PAQR3: variants seen among roughly 807,000 people sequenced by gnomAD.
PAQR3 encodes the protein progestin and adipoQ receptor family member 3.
A neutral mutation model predicts 41.7 loss-of-function variants in PAQR3; 39 were observed. That is an observed-to-expected ratio of 0.93 (90% CI 0.72 to 1.22). The LOEUF is 1.22. PAQR3 is among the 50% of genes most tolerant of loss of function. The probability of loss-of-function intolerance (pLI) is 0.00; values close to 1 mark genes in which losing one functional copy is unlikely to be tolerated. For synonymous variants in PAQR3, 140 were observed against 140.6 expected (o/e 1.00, Z 0.03); for missense variants, 366 against 385.6 (o/e 0.95, Z 0.42).
In PAQR3 at chr4:78,912,007, G is replaced by A; in HGVS notation, c.*8532C>T. ...ACCAGTCGAATTAGACCCATTTGGT[G>A]CTGCTCCATTTCCTTCTAAACAGTA... is the stretch of plus-strand genomic sequence containing the variant. On this transcript the variant is annotated 3_prime_UTR_variant, in exon 6 of 6. Coordinates refer to ENST00000512733, the MANE Select transcript of PAQR3 (RefSeq NM_001040202.2). The A allele has an allele frequency of 6.2e-7, 1 of 1,612,546 alleles. No homozygotes were observed. Among genetic ancestry groups the A allele is most frequent in the Non-Finnish European group, 8.5e-7 (1 of 1,179,052 alleles).
intron 3 of PAQR3, among the ~76,000 whole-genome samples, chr4:78,928,918 A>G (rs1736526659): frequency 6.6e-6 from 1 of 152,248 alleles, no homozygotes; most frequent in African/African-American, 2.4e-5. Context: ...ACAGATCATC[A>G]AGCATTACAT....
In PAQR3 at chr4:78,923,930, T is replaced by TA; in HGVS notation, c.719dup (p.Ile241AsnfsTer61). On this transcript the variant is annotated frameshift_variant, in exon 5 of 6. Coordinates refer to ENST00000512733, the MANE Select transcript of PAQR3 (RefSeq NM_001040202.2). LOFTEE classifies it high-confidence loss of function. ...GAAGAGCAATCATATACATCACAAT[T>TA]ACACGGGGTGCAAAGTCCTGAAAAG... 6.2e-7 allele frequency: 1 copy of TA among 1,613,118 alleles called. No homozygotes were observed.
intron 1 of PAQR3, among the ~76,000 whole-genome samples, chr4:78,937,723 G>A (rs1047581499): frequency 2.6e-5 from 4 of 152,206 alleles, no homozygotes; most frequent in African/African-American, 9.6e-5. Flanking sequence ...GAGCTGTTAA[G>A]TGGCAGATTT....
intron 11 of PAQR3, among the ~76,000 whole-genome samples, chr4:78,890,508 G>A (rs1457424334): frequency 6.6e-6 from 1 of 151,948 alleles, no homozygotes; most frequent in African/African-American, 2.4e-5. Flanking sequence ...TTTTTAATAT[G>A]TAAATATTTG....
intron 11 of PAQR3, among the ~76,000 whole-genome samples, chr4:78,891,441 A>G (rs1009273847): frequency 6.6e-6 from 1 of 152,076 alleles, no homozygotes; most frequent in Non-Finnish European, 1.5e-5. Flanking sequence ...TTCTTGCTGT[A>G]TATGCTTTGG....
rs1218915716 is a variant in PAQR3 at position 78,922,116 on chromosome 4, A to G, written c.794-1435T>C. 1.9e-5 allele frequency: 20 copies of G among 1,035,398 alleles called. No individual in the cohort carries two copies. In the South Asian group the frequency reaches 6.5e-4, roughly 34 times the overall value. The allele number at this position is 1,035,398 out of a possible 1,614,324, so 64.1% of individuals were successfully genotyped here. On this transcript the variant is annotated intron_variant, in intron 5 of 5. Transcript: ENST00000512733. The stretch of plus-strand genomic sequence containing the variant: ...CAGAATTTTAAAAAGAATTATTAAT[A>G]AAGTGATACAAAAATATATTTTACC...
chr4:78,935,033 A>C, intron 2 of PAQR3, 88 bp downstream of exon 2: 1 of 1,243,446 alleles, frequency 8.0e-7, no homozygotes. Flanking sequence ...CTTTAAAGCA[A>C]GTGGTAGGTC....
intron 10 of PAQR3, among the ~76,000 whole-genome samples, chr4:78,906,719 C>T (rs1734305121): frequency 6.6e-6 from 1 of 152,018 alleles, no homozygotes; most frequent in South Asian, 2.1e-4. Flanking sequence ...ACCACTGGGC[C>T]CAGAAAAGTT....
In PAQR3 at chr4:78,920,691, A is replaced by C; in HGVS notation, c.794-10T>G. On this transcript the variant is annotated splice_polypyrimidine_tract_variant and intron_variant, in intron 5 of 5. Coordinates refer to ENST00000512733, the MANE Select transcript of PAQR3 (RefSeq NM_001040202.2). Reference sequence around the variant, plus strand: ...AGGTAGTTTAGTTGTCCTGGAAAGAAGGTAGAAAGAAAATGATAATGATTT... The same window carrying C: ...AGGTAGTTTAGTTGTCCTGGAAAGACGGTAGAAAGAAAATGATAATGATTT... The C allele has an allele frequency of 6.3e-7, 1 of 1,594,212 alleles. No individual in the cohort carries two copies. The highest frequency in any genetic ancestry group is 1.4e-5 in the African/African-American group (1 of 74,048).
downstream of PAQR3, among the ~76,000 whole-genome samples, chr4:78,908,079 A>G (rs1184367276): frequency 6.6e-6 from 1 of 152,030 alleles, no homozygotes; most frequent in Non-Finnish European, 1.5e-5. Context: ...AAGAAGTCAA[A>G]CTTGAGAATC....
chr4:78,896,577 A>C (rs1733714330), intron 11 of PAQR3, among the ~76,000 whole-genome samples: 1 of 152,170 alleles, frequency 6.6e-6, no homozygotes, highest in Non-Finnish European at 1.5e-5. Flanking sequence ...TTTTTCAGGA[A>C]ACATTAGATT....
At chr4:78,891,289 C>T (rs1387347217) in intron 11 of PAQR3, among the ~76,000 whole-genome samples, 1 of 152,068 alleles carries the variant, frequency 6.6e-6, no homozygotes, top group East Asian at 1.9e-4. Flanking sequence ...TATTCCTGCT[C>T]CTCTTTCTCT....
rs1277460247 is a variant in PAQR3, at chr4:78,918,006, G to C, written c.*2533C>G. ...CATGCAGCTTACTGAATTGCAGTTA[G>C]TGTAATAACAAAAAAAGACAAGCAC... On this transcript the variant is annotated 3_prime_UTR_variant, in exon 6 of 6. Coordinates refer to ENST00000512733, the MANE Select transcript of PAQR3 (RefSeq NM_001040202.2). The C allele has an allele frequency of 1.0e-6, 1 of 982,226 alleles. No individual in the cohort carries two copies. Among genetic ancestry groups the C allele is most frequent in the Non-Finnish European group, 1.2e-6 (1 of 826,874 alleles). The allele number at this position is 982,226 out of a possible 1,614,324, so 60.8% of individuals were successfully genotyped here.
At chr4:78,910,755 G>C, downstream of PAQR3, 1 of 1,613,890 alleles carries the variant, frequency 6.2e-7, no homozygotes, top group Non-Finnish European at 8.5e-7. Context: ...TGCAAAAGGG[G>C]AATGATGAAT....
In PAQR3 at chr4:78,915,804, ATT is replaced by A. The variant is rs937628254; in HGVS notation, c.*4733_*4734del. ...ATGCAAAGGGTCATGATTTGGGGTT[ATT>A]TTTGTTTTATTTTAAAATTTATACT... On this transcript the variant is annotated 3_prime_UTR_variant, in exon 6 of 6. Transcript: ENST00000512733. 7.2e-5 allele frequency: 11 copies of A among 151,848 alleles called. No homozygotes were observed. Among genetic ancestry groups the A allele is most frequent in the African/African-American group, 2.7e-4 (11 of 41,390 alleles). The allele number at this position is 151,848 out of a possible 1,614,324, so 9.4% of individuals were successfully genotyped here.
rs1735050786 is a variant in PAQR3, at chr4:78,916,169, G to C, written c.*4370C>G. ...CTCCCCCTCCCACCCCTTTTCCCCT[G>C]CCATATCTAATTAAGCACTAACTGA... On this transcript the variant is annotated 3_prime_UTR_variant, in exon 6 of 6. Coordinates refer to ENST00000512733, the MANE Select transcript of PAQR3 (RefSeq NM_001040202.2). 6.6e-6 allele frequency: 1 copy of C among 151,630 alleles called. No individual in the cohort carries two copies. The highest frequency in any genetic ancestry group is 2.1e-4 in the South Asian group (1 of 4,810). The allele number at this position is 151,630 out of a possible 1,614,324, so 9.4% of individuals were successfully genotyped here. A position where few individuals can be genotyped will look rare whatever the true frequency, so the allele number is the denominator to read the frequency against.
At chr4:78,911,371 A>G (rs767505912), downstream of PAQR3, 39 of 1,613,890 alleles carry the variant, frequency 2.4e-5, no homozygotes, top group Non-Finnish European at 3.0e-5. Context: ...GCCCTTCCTC[A>G]CATCAACAAG....
chr4:78,911,768 T>C (rs1243760371), downstream of PAQR3: 1 of 1,614,000 alleles, frequency 6.2e-7, no homozygotes, highest in Admixed American at 1.7e-5. Flanking sequence ...GCCAAGCCCT[T>C]CCATTCTCCA....
chr4:78,921,304 A>G (rs185091085), intron 5 of PAQR3, among the ~76,000 whole-genome samples: 5 of 151,744 alleles, frequency 3.3e-5, no homozygotes, highest in African/African-American at 4.8e-5. Context: ...AGATTAAACA[A>G]TTAACATACG....
Sources: gnomAD v4.1 joint callset for allele counts (sites outside exome capture counted in the v4.1 genomes callset) on GRCh38, gnomAD v4.1.1 for gene constraint, MANE v1.5 for transcripts, NCBI Gene and HGNC (gene_info 2026-07-23, HGNC 2026-07-21) for gene names.